Variants in AGBL4 observed in about 807,000 individuals in gnomAD.
The protein encoded by AGBL4 is AGBL carboxypeptidase 4, also known as cytosolic carboxypeptidase 6.
Under a neutral mutation model 66.4 loss-of-function variants are expected in AGBL4, and 58 were observed. The observed-to-expected ratio is 0.87, with a 90% confidence interval of 0.71 to 1.09. The LOEUF (loss-of-function observed/expected upper bound fraction) is 1.09, where lower values mean the gene tolerates loss of function less well. AGBL4 is among the 50% of genes least tolerant of loss of function. The pLI, the probability that AGBL4 is intolerant of heterozygous loss-of-function variation, is 0.00. For synonymous variants in AGBL4, 234 were observed against 222.9 expected, an observed-to-expected ratio of 1.05 and a Z score of -0.44; for missense variants, 579 against 631.0, an observed-to-expected ratio of 0.92 and a Z score of 0.88.
chr1:49,004,204 T>A (rs1180723820), intron 5 of AGBL4, among the ~76,000 whole-genome samples: 2 of 152,170 alleles, frequency 1.3e-5, no homozygotes, highest in Non-Finnish European at 2.9e-5. Flanking sequence ...TGTTGTCCAG[T>A]TTCTGGGATT....
chr1:49,855,315 T>C (rs1352167399), intron 1 of AGBL4, among the ~76,000 whole-genome samples: 1 of 152,150 alleles, frequency 6.6e-6, no homozygotes, highest in African/African-American at 2.4e-5. Context: ...ACAATCATAG[T>C]GGGAAACTTC....
intron 3 of AGBL4, among the ~76,000 whole-genome samples, chr1:49,502,927 T>C (rs1017397962): frequency 4.6e-5 from 7 of 152,100 alleles, no homozygotes; most frequent in African/African-American, 1.7e-4. Flanking sequence ...GGAGTGAAAT[T>C]CAAGCTGGCT....
chr1:49,403,774 C>T (rs1398639095), intron 3 of AGBL4, among the ~76,000 whole-genome samples: 1 of 152,054 alleles, frequency 6.6e-6, no homozygotes, highest in Non-Finnish European at 1.5e-5. Flanking sequence ...GCTTCAAGGC[C>T]CTGCTTGATT....
chr1:49,547,508 A>G (rs1393204008), intron 3 of AGBL4, among the ~76,000 whole-genome samples: 2 of 152,146 alleles, frequency 1.3e-5, no homozygotes, highest in African/African-American at 4.8e-5. Context: ...GTTCCATATG[A>G]ATTTTAGAAT....
intron 1 of AGBL4, among the ~76,000 whole-genome samples, chr1:49,937,308 C>T (rs896871616): frequency 7.2e-5 from 11 of 152,044 alleles, no homozygotes; most frequent in Non-Finnish European, 1.3e-4. Flanking sequence ...AATATATATG[C>T]ACCCAATACA....
At chr1:49,068,234 CTCTTT>C (rs1644528530) in intron 4 of AGBL4, among the ~76,000 whole-genome samples, 1 of 151,270 alleles carries the variant, frequency 6.6e-6, no homozygotes, top group Non-Finnish European at 1.5e-5. Context: ...AACCCTTTTT[CTCTTT>C]TCTTTTTTTA....
intron 3 of AGBL4, among the ~76,000 whole-genome samples, chr1:49,425,955 T>G (rs947689970): frequency 5.9e-5 from 9 of 152,228 alleles, no homozygotes; most frequent in Non-Finnish European, 1.0e-4. Flanking sequence ...GCAAGTTCAT[T>G]AACCTCACTG....
At chr1:48,602,890 T>A (rs1005601304) in intron 9 of AGBL4, among the ~76,000 whole-genome samples, 1 of 152,128 alleles carries the variant, frequency 6.6e-6, no homozygotes, top group African/African-American at 2.4e-5. Context: ...CTTCACTTTA[T>A]AGTAGGGAAG....
intron 3 of AGBL4, among the ~76,000 whole-genome samples, chr1:49,453,693 T>C (rs546625669): frequency 3.3e-5 from 5 of 151,934 alleles, no homozygotes; most frequent in South Asian, 4.2e-4. Flanking sequence ...GAACATTTAA[T>C]TAATATAACT....
chr1:49,062,588 G>A (rs1644422828), intron 4 of AGBL4, among the ~76,000 whole-genome samples: 1 of 152,180 alleles, frequency 6.6e-6, no homozygotes, highest in Admixed American at 6.5e-5. Flanking sequence ...AAGGAAGGTG[G>A]AGGCCATAGG....
chr1:49,948,422 TAG>T (rs1204112609), intron 1 of AGBL4, among the ~76,000 whole-genome samples: 200 of 100,940 alleles, frequency 2.0e-3, no homozygotes, highest in African/African-American at 7.1e-3. Context: ...TAGATAAATA[TAG>T]ATAAATATAT....
At position 49,242,883 on chromosome 1, in the gene AGBL4, C is replaced by G. The variant is rs1195203155; in HGVS notation, c.377+2887G>C. On this transcript the variant is annotated intron_variant, in intron 4 of 13. Transcript: ENST00000371839. Reference sequence around the variant, plus strand: ...TCCAGTTGTATCTTGTGTTAATTTGCTTTCTATAACTAATTAACTACCGGT... The same window carrying G: ...TCCAGTTGTATCTTGTGTTAATTTGGTTTCTATAACTAATTAACTACCGGT... Among the ~76,000 whole-genome samples the G allele has an allele frequency of 2.0e-5, 3 of 151,266 alleles. No homozygotes were observed. In the East Asian group the frequency reaches 5.8e-4, roughly 29 times the overall value.
intron 9 of AGBL4, among the ~76,000 whole-genome samples, chr1:48,631,672 G>T (rs1645596294): frequency 1.3e-5 from 2 of 152,178 alleles, no homozygotes; most frequent in South Asian, 4.1e-4. Context: ...GGGATTATAG[G>T]GGTGAGCCAC....
intron 6 of AGBL4, among the ~76,000 whole-genome samples, chr1:48,826,167 C>T (rs1646423071): frequency 1.3e-5 from 2 of 152,180 alleles, no homozygotes; most frequent in Admixed American, 6.5e-5. Context: ...CTTCCCTCTA[C>T]AGTCAATCTT....
At chr1:48,899,193 C>G (rs1408485705) in intron 5 of AGBL4, among the ~76,000 whole-genome samples, 2 of 152,328 alleles carry the variant, frequency 1.3e-5, no homozygotes, top group African/African-American at 4.8e-5. Flanking sequence ...TAGCCGTGGG[C>G]AGGCGGCTCA....
chr1:49,774,240 A>C (rs959565023), intron 2 of AGBL4, among the ~76,000 whole-genome samples: 1 of 152,194 alleles, frequency 6.6e-6, no homozygotes, highest in African/African-American at 2.4e-5. Flanking sequence ...CAACAGTGAT[A>C]GGGACCACTA....
chr1:48,992,644 GA>G (rs1660689289), intron 5 of AGBL4, among the ~76,000 whole-genome samples: 1 of 152,074 alleles, frequency 6.6e-6, no homozygotes, highest in Admixed American at 6.5e-5. Flanking sequence ...GGATATCTTA[GA>G]AATCTACTTG....
intron 4 of AGBL4, among the ~76,000 whole-genome samples, chr1:49,204,530 T>C (rs865811671): frequency 6.6e-6 from 1 of 152,130 alleles, no homozygotes; most frequent in East Asian, 1.9e-4. Flanking sequence ...TCCTCCCACT[T>C]TGGCCTCCCA....
At chr1:49,422,231 C>G (rs1429241943) in intron 3 of AGBL4, among the ~76,000 whole-genome samples, 1 of 151,936 alleles carries the variant, frequency 6.6e-6, no homozygotes, top group Non-Finnish European at 1.5e-5. Flanking sequence ...TCAATGAGCC[C>G]AAAGCAAAAC....
Sources: allele counts gnomAD v4.1 joint callset (sites outside exome capture counted in the v4.1 genomes callset), GRCh38; gene constraint gnomAD v4.1.1; transcripts MANE v1.5; gene names NCBI Gene and HGNC (gene_info 2026-07-23, HGNC 2026-07-21).